MAF: variants seen among roughly 807,000 people sequenced by gnomAD.
The protein encoded by MAF is transcription factor Maf.
In MAF, 10 loss-of-function variants were observed where a neutral mutation model predicts 22.0. That is an observed-to-expected ratio of 0.45 (90% CI 0.28 to 0.77). The LOEUF (loss-of-function observed/expected upper bound fraction) is 0.77, where lower values mean the gene tolerates loss of function less well. Among genes scored for constraint, MAF ranks in the 30% least tolerant of loss-of-function variants. MAF has a pLI of 0.12. For missense variants in MAF, 544 were observed against 548.4 expected (o/e 0.99, Z 0.08); for synonymous variants, 337 against 255.8 (o/e 1.32, Z -3.03).
chr16:79,282,885 T>C, the MAF span, among the ~76,000 whole-genome samples: 2 of 152,164 alleles, frequency 1.3e-5, no homozygotes, highest in African/African-American at 4.8e-5. Flanking sequence ...CATTCATTAA[T>C]CCAAAGGGTC....
At chr16:79,545,538 AG>A in the MAF span, among the ~76,000 whole-genome samples, 9 of 148,114 alleles carry the variant, frequency 6.1e-5, no homozygotes, top group African/African-American at 2.0e-4. Flanking sequence ...AAAAAAAAAA[AG>A]ATTTCAATAG....
the MAF span, among the ~76,000 whole-genome samples, chr16:79,238,617 G>C: frequency 6.6e-6 from 1 of 152,036 alleles, no homozygotes; most frequent in Non-Finnish European, 1.5e-5. Flanking sequence ...AAATGGGAAT[G>C]AGGTTGCCAG....
chr16:79,352,650 A>T, the MAF span, among the ~76,000 whole-genome samples: 18 of 152,238 alleles, frequency 1.2e-4, no homozygotes, highest in African/African-American at 3.4e-4. Flanking sequence ...GCTAATAAAA[A>T]GTAGAGGCAG....
chr16:79,426,820 C>A, the MAF span, among the ~76,000 whole-genome samples: 1 of 152,182 alleles, frequency 6.6e-6, no homozygotes, highest in African/African-American at 2.4e-5. Flanking sequence ...GGAAGGCTGG[C>A]GTGAGCCCGG....
the MAF span, among the ~76,000 whole-genome samples, chr16:79,511,153 T>C: frequency 1.3e-5 from 2 of 152,280 alleles, no homozygotes; most frequent in East Asian, 3.9e-4. Context: ...CTGCAGATGA[T>C]GTATGAATTG....
the MAF span, among the ~76,000 whole-genome samples, chr16:79,443,355 A>C: frequency 6.6e-6 from 1 of 152,148 alleles, no homozygotes; most frequent in Non-Finnish European, 1.5e-5. Flanking sequence ...TTGACCAATC[A>C]GAAGATGGTC....
At chr16:79,578,212 A>T in the MAF span, among the ~76,000 whole-genome samples, 1 of 152,230 alleles carries the variant, frequency 6.6e-6, no homozygotes, top group African/African-American at 2.4e-5. Flanking sequence ...TACCTATAAT[A>T]TGCTATGTGC....
At chr16:79,234,583 C>T in the MAF span, among the ~76,000 whole-genome samples, 134 of 152,186 alleles carry the variant, frequency 8.8e-4, 1 homozygote, top group African/African-American at 2.9e-3. Flanking sequence ...TTGCAAAAGT[C>T]GGCTTCAGGA....
the MAF span, among the ~76,000 whole-genome samples, chr16:79,485,788 A>T: frequency 6.6e-6 from 1 of 152,132 alleles, no homozygotes; most frequent in African/African-American, 2.4e-5. Flanking sequence ...CAGCACACAG[A>T]CTCGGTGTCT....
At chr16:79,577,278 A>G in the MAF span, among the ~76,000 whole-genome samples, 2 of 152,110 alleles carry the variant, frequency 1.3e-5, no homozygotes, top group African/African-American at 4.8e-5. Context: ...GACGGAGAGG[A>G]GGGCACCTGG....
At chr16:79,206,243 G>A in the MAF span, 3 of 152,258 alleles carry the variant, frequency 2.0e-5, no homozygotes, top group South Asian at 2.1e-4. Flanking sequence ...CTGAGAAGGC[G>A]GCAGAGCAGG....
chr16:79,536,241 A>G, the MAF span, among the ~76,000 whole-genome samples: 1 of 152,142 alleles, frequency 6.6e-6, no homozygotes, highest in Non-Finnish European at 1.5e-5. Context: ...AATTCACTGC[A>G]AATTTCTGCC....
chr16:79,563,124 G>A, the MAF span, among the ~76,000 whole-genome samples: 1 of 152,094 alleles, frequency 6.6e-6, no homozygotes, highest in African/African-American at 2.4e-5. Context: ...TTTATCGTAC[G>A]GGCTGAAGGC....
chr16:79,509,593 G>C, the MAF span, among the ~76,000 whole-genome samples: 1 of 152,188 alleles, frequency 6.6e-6, no homozygotes, highest in Non-Finnish European at 1.5e-5. Context: ...GAGAGGGCCG[G>C]GTCTGGGCCA....
At chr16:79,462,579 G>GCA in the MAF span, among the ~76,000 whole-genome samples, 3 of 152,062 alleles carry the variant, frequency 2.0e-5, no homozygotes, top group Non-Finnish European at 4.4e-5. Context: ...GCACAAACAT[G>GCA]CACACACACA....
chr16:79,471,571 G>A, the MAF span, among the ~76,000 whole-genome samples: 3 of 152,184 alleles, frequency 2.0e-5, no homozygotes, highest in African/African-American at 4.8e-5. Flanking sequence ...CAGGTGCTAG[G>A]GCGGCTGAGG....
At chr16:79,247,703 G>T in the MAF span, among the ~76,000 whole-genome samples, 1 of 152,232 alleles carries the variant, frequency 6.6e-6, no homozygotes, top group Admixed American at 6.5e-5. Flanking sequence ...GCATCTTCCT[G>T]GAAGCCTTTG....
chr16:79,399,111 C>T, the MAF span, among the ~76,000 whole-genome samples: 1 of 152,196 alleles, frequency 6.6e-6, no homozygotes, highest in South Asian at 2.1e-4. Flanking sequence ...AGAGGCAGTG[C>T]TCCGTGGGCG....
At chr16:79,280,930 A>G in the MAF span, among the ~76,000 whole-genome samples, 1 of 152,180 alleles carries the variant, frequency 6.6e-6, no homozygotes, top group Non-Finnish European at 1.5e-5. Context: ...TCCATTGTCA[A>G]AGCAGTCTAG....
Sources: allele counts gnomAD v4.1 joint callset (sites outside exome capture counted in the v4.1 genomes callset), GRCh38; gene constraint gnomAD v4.1.1; transcripts MANE v1.5; gene names NCBI Gene and HGNC (gene_info 2026-07-23, HGNC 2026-07-21).